The following TRPM3 variants were observed in gnomAD, a reference collection of about 807,000 sequenced individuals.
TRPM3 encodes the protein long transient receptor potential channel 3.
In TRPM3, 77 loss-of-function variants were observed where a neutral mutation model predicts 181.2. The ratio of observed to expected loss-of-function variants is 0.42; its 90% CI spans 0.35 to 0.51. The LOEUF is 0.51. Among genes scored for constraint, TRPM3 ranks in the 20% least tolerant of loss-of-function variants. The pLI is 0.01. For synonymous variants in TRPM3, 745 were observed against 796.4 expected (o/e 0.94, Z 1.09); for missense variants, 1,759 against 2,196.7 (o/e 0.80, Z 3.98).
At chr9:71,204,956 C>T (rs1472932178) in intron 1 of TRPM3, among the ~76,000 whole-genome samples, 3 of 151,970 alleles carry the variant, frequency 2.0e-5, no homozygotes, top group Admixed American at 1.3e-4. Flanking sequence ...CGTAAACTAT[C>T]GCAAGGACAA....
intron 9 of TRPM3, among the ~76,000 whole-genome samples, chr9:70,644,962 C>T (rs957565756): frequency 1.3e-5 from 2 of 152,090 alleles, no homozygotes; most frequent in African/African-American, 2.4e-5. Context: ...TTCACAATTG[C>T]TACAAAGAGA....
At chr9:70,651,411 C>T (rs2059582459) in intron 9 of TRPM3, among the ~76,000 whole-genome samples, 1 of 152,240 alleles carries the variant, frequency 6.6e-6, no homozygotes, top group East Asian at 1.9e-4. Flanking sequence ...GGAAGTCTTC[C>T]TGTAGTCTAC....
intron 1 of TRPM3, among the ~76,000 whole-genome samples, chr9:71,359,162 A>C (rs529438804): frequency 1.2e-3 from 189 of 152,310 alleles, no homozygotes; most frequent in Non-Finnish European, 1.5e-3. Flanking sequence ...GAAGCATAAA[A>C]TGTAAAAGAA....
rs145992204 is a variant in TRPM3, at chr9:70,613,053, C to T, written c.2527-2304G>A. The stretch of plus-strand genomic sequence containing the variant: ...CATTTAACCAGCACTGCATTCAAAA[C>T]AAAAGCAAAAACCTGTTTTGCCTTT... On this transcript the variant is annotated intron_variant, in intron 18 of 25. Coordinates refer to ENST00000677713, the MANE Select transcript of TRPM3 (RefSeq NM_001366145.2). Among the ~76,000 whole-genome samples the T allele has an allele frequency of 1.9e-3, 289 of 152,270 alleles. 1 individual carries two copies. Among genetic ancestry groups the T allele is most frequent in the African/African-American group, 6.7e-3 (277 of 41,566 alleles).
At chr9:71,152,614 A>G (rs2075791116) in intron 1 of TRPM3, among the ~76,000 whole-genome samples, 1 of 152,296 alleles carries the variant, frequency 6.6e-6, no homozygotes, top group South Asian at 2.1e-4. Flanking sequence ...CCTCGTACGG[A>G]GATAATCACC....
chr9:71,107,772 T>A (rs1380402963), intron 1 of TRPM3, among the ~76,000 whole-genome samples: 1 of 152,248 alleles, frequency 6.6e-6, no homozygotes, highest in Non-Finnish European at 1.5e-5. Flanking sequence ...GAACATTCTG[T>A]TGAAATATTA....
intron 1 of TRPM3, among the ~76,000 whole-genome samples, chr9:71,309,328 A>G (rs2087694787): frequency 6.6e-6 from 1 of 152,190 alleles, no homozygotes; most frequent in Admixed American, 6.6e-5. Context: ...TTCTTAATGC[A>G]GATACACTCA....
intron 6 of TRPM3, among the ~76,000 whole-genome samples, chr9:70,815,516 A>G (rs1339993513): frequency 6.6e-6 from 1 of 152,196 alleles, no homozygotes; most frequent in Admixed American, 6.5e-5. Context: ...ATGACACTCA[A>G]TATTTTTAAT....
At chr9:71,083,035 C>T (rs1027974721) in intron 1 of TRPM3, among the ~76,000 whole-genome samples, 31 of 151,786 alleles carry the variant, frequency 2.0e-4, no homozygotes, top group African/African-American at 7.5e-4. Context: ...TGTGTGTGTT[C>T]CAGGGAATAG....
At chr9:71,008,981 C>T (rs1344614190) in intron 1 of TRPM3, among the ~76,000 whole-genome samples, 1 of 152,146 alleles carries the variant, frequency 6.6e-6, no homozygotes, top group Non-Finnish European at 1.5e-5. Flanking sequence ...ATGATTATTT[C>T]AATAGAATTG....
chr9:70,851,191 AC>A (rs1329500567), intron 3 of TRPM3, among the ~76,000 whole-genome samples: 1 of 152,178 alleles, frequency 6.6e-6, no homozygotes, highest in East Asian at 1.9e-4. Flanking sequence ...AAAAACAAGA[AC>A]AACAAAATAA....
At chr9:71,368,860 A>G (rs2092423818) in intron 1 of TRPM3, among the ~76,000 whole-genome samples, 1 of 152,236 alleles carries the variant, frequency 6.6e-6, no homozygotes, top group Non-Finnish European at 1.5e-5. Context: ...GTTGAACTCA[A>G]TTTCAACAAA....
intron 1 of TRPM3, among the ~76,000 whole-genome samples, chr9:71,080,130 A>T (rs1458806107): frequency 6.6e-6 from 1 of 151,718 alleles, no homozygotes; most frequent in Non-Finnish European, 1.5e-5. Context: ...AGATCGCACC[A>T]ATGCACTCCA....
At chr9:70,946,318 G>A (rs1217713970) in intron 1 of TRPM3, among the ~76,000 whole-genome samples, 2 of 151,928 alleles carry the variant, frequency 1.3e-5, no homozygotes, top group African/African-American at 4.8e-5. Flanking sequence ...TGTTATACTG[G>A]TTAAGAACCT....
intron 6 of TRPM3, among the ~76,000 whole-genome samples, chr9:70,785,378 T>C (rs538086374): frequency 9.9e-5 from 15 of 152,252 alleles, no homozygotes; most frequent in Non-Finnish European, 1.9e-4. Context: ...TGATTTATCA[T>C]TGAATAACTT....
intron 1 of TRPM3, among the ~76,000 whole-genome samples, chr9:70,906,352 C>T (rs2096464156): frequency 6.6e-6 from 1 of 152,124 alleles, no homozygotes; most frequent in Non-Finnish European, 1.5e-5. Context: ...CTGCAATTAG[C>T]CTCGAATATG....
At chr9:71,225,307 C>G (rs999619362) in intron 1 of TRPM3, among the ~76,000 whole-genome samples, 3 of 151,808 alleles carry the variant, frequency 2.0e-5, no homozygotes, top group Admixed American at 1.3e-4. Context: ...GCTTACAGAC[C>G]AGGCAAGAGT....
intron 18 of TRPM3, among the ~76,000 whole-genome samples, chr9:70,614,847 C>T (rs1330433564): frequency 6.6e-6 from 1 of 152,178 alleles, no homozygotes; most frequent in Non-Finnish European, 1.5e-5. Context: ...AATGATCAAA[C>T]TATTATATTC....
At chr9:70,900,871 A>G (rs897648175) in intron 1 of TRPM3, among the ~76,000 whole-genome samples, 3 of 152,248 alleles carry the variant, frequency 2.0e-5, no homozygotes, top group Non-Finnish European at 4.4e-5. Context: ...TACTATTGTA[A>G]GGGCAATATC....
Sources: gnomAD v4.1 joint callset for allele counts (sites outside exome capture counted in the v4.1 genomes callset) on GRCh38, gnomAD v4.1.1 for gene constraint, MANE v1.5 for transcripts, NCBI Gene and HGNC (gene_info 2026-07-23, HGNC 2026-07-21) for gene names.